Variants in PPT1 observed in about 807,000 individuals in gnomAD.
PPT1 encodes the protein palmitoyl-protein thioesterase 1, also known as ceroid-palmitoyl-palmitoyl-protein thioesterase 1.
A neutral mutation model predicts 44.0 loss-of-function variants in PPT1; 24 were observed. The observed-to-expected ratio is 0.54, with a 90% CI of 0.39 to 0.77. The LOEUF is 0.77. PPT1 is among the 30% of genes least tolerant of loss of function. The pLI, the probability that PPT1 is intolerant of heterozygous loss-of-function variation, is 0.00. For synonymous variants in PPT1, 148 were observed against 140.2 expected, an observed-to-expected ratio of 1.06 and a Z score of -0.39; for missense variants, 341 against 378.8, an observed-to-expected ratio of 0.90 and a Z score of 0.83.
intron 5 of PPT1, among the ~76,000 whole-genome samples, chr1:40,081,738 G>A (rs1041075667): frequency 2.0e-5 from 3 of 151,876 alleles, no homozygotes; most frequent in African/African-American, 4.8e-5. Context: ...TGTCTTTATC[G>A]GTAGCATGAA....
intron 4 of PPT1, among the ~76,000 whole-genome samples, chr1:40,090,230 G>A (rs531424127): frequency 9.2e-5 from 14 of 152,196 alleles, no homozygotes; most frequent in African/African-American, 3.4e-4. Flanking sequence ...GCACACCACA[G>A]TGTCTTGAAC....
intron 7 of PPT1, among the ~76,000 whole-genome samples, chr1:40,077,678 T>C (rs1648698875): frequency 6.6e-6 from 1 of 152,146 alleles, no homozygotes; most frequent in African/African-American, 2.4e-5. Context: ...CAGAGGCTGA[T>C]GATTCTAAAA....
chr1:40,089,202 C>T (rs1374732840), intron 5 of PPT1, among the ~76,000 whole-genome samples: 1 of 143,574 alleles, frequency 7.0e-6, no homozygotes, highest in Non-Finnish European at 1.5e-5. Flanking sequence ...AGGAGACTCG[C>T]TTGAACCTGG....
Position 40,097,213 on chromosome 1 carries a change from A to T in PPT1, c.26T>A (p.Leu9His). The change falls in exon 1 of 9, where the codon CTC becomes CAC. Residue 9 changes from leucine to histidine, a missense_variant. Coordinates refer to ENST00000642050, the MANE Select transcript of PPT1 (RefSeq NM_000310.4). Reference protein sequence around the residue: MASPGCLWLLAVALLPWTC... With the variant: MASPGCLWHLAVALLPWTC... ...CCATGGCAGGAGAGCCACAGCCAAG[A>T]GCCACAGGCAGCCGGGCGACGCCAT... 1 of 1,613,962 alleles carries T rather than the reference A, an allele frequency of 6.2e-7. No individual in the cohort carries two copies. The highest frequency in any genetic ancestry group is 1.3e-5 in the African/African-American group (1 of 75,040).
chr1:40,073,794 C>T lies in PPT1; in HGVS notation c.*267G>A. The stretch of plus-strand genomic sequence containing the variant: ...TTCTGGCACTGATCTGGAACAGACT[C>T]CCTTTTCTAAAACTGAACTTGACCA... On this transcript the variant is annotated 3_prime_UTR_variant, in exon 9 of 9. Transcript: ENST00000642050. The T allele has an allele frequency of 2.1e-6, 1 of 473,590 alleles. No individual in the cohort carries two copies. Among genetic ancestry groups the T allele is most frequent in the Non-Finnish European group, 3.9e-6 (1 of 258,684 alleles). 29.3% of individuals were successfully genotyped at this position (473,590 alleles called of 1,614,324 possible). A position where few individuals can be genotyped will look rare whatever the true frequency, so the allele number is the denominator to read the frequency against.
Position 40,073,819 on chromosome 1 carries a change from A to G in PPT1, c.*242T>C, listed in dbSNP as rs1393414424. The G allele has an allele frequency of 1.8e-6, 1 of 562,338 alleles. No homozygotes were observed. Among genetic ancestry groups the G allele is most frequent in the Non-Finnish European group, 3.1e-6 (1 of 318,504 alleles). 34.8% of individuals were successfully genotyped at this position (562,338 alleles called of 1,614,324 possible). On this transcript the variant is annotated 3_prime_UTR_variant, in exon 9 of 9. Coordinates refer to ENST00000642050, the MANE Select transcript of PPT1 (RefSeq NM_000310.4). The stretch of plus-strand genomic sequence containing the variant: ...CCCTTTTCTAAAACTGAACTTGACC[A>G]CATCAAAAGTTTGTAAAACAATCTC...
In PPT1 at chr1:40,073,381, T is replaced by C. The variant is rs1209878141; in HGVS notation, c.*680A>G. 1 of 152,546 alleles carries C rather than the reference T, an allele frequency of 6.6e-6. No individual in the cohort carries two copies. The highest frequency in any genetic ancestry group is 1.9e-4 in the East Asian group (1 of 5,204). The allele number at this position is 152,546 out of a possible 1,614,324, so 9.4% of individuals were successfully genotyped here. A position where few individuals can be genotyped will look rare whatever the true frequency, so the allele number is the denominator to read the frequency against. Reference sequence around the variant, plus strand: ...TCTTCGCTCCCTAAGTTATACAAGATGTACATTTCCTCTCTTAAGCAACTT... The same window carrying C: ...TCTTCGCTCCCTAAGTTATACAAGACGTACATTTCCTCTCTTAAGCAACTT... On this transcript the variant is annotated 3_prime_UTR_variant, in exon 9 of 9. Coordinates refer to ENST00000642050, the MANE Select transcript of PPT1 (RefSeq NM_000310.4).
chr1:40,084,885 C>T (rs1276051919), intron 5 of PPT1, among the ~76,000 whole-genome samples: 4 of 152,210 alleles, frequency 2.6e-5, no homozygotes, highest in African/African-American at 9.6e-5. Context: ...TAGAGGGCTC[C>T]TTGGTCTAGC....
At position 40,091,822 on chromosome 1, in the gene PPT1, G is replaced by A. The variant is rs548793748; in HGVS notation, c.362+223C>T. Among the ~76,000 whole-genome samples the A allele has an allele frequency of 2.7e-5, 4 of 149,184 alleles. No homozygotes were observed. In the South Asian group the frequency reaches 8.4e-4, roughly 31 times the overall value. ...GGAGGTTGCAGTGAGCTGAGATCGC[G>A]CCACTGCACTCCAGCCTGGGCAACA... On this transcript the variant is annotated intron_variant, in intron 3 of 8. Transcript: ENST00000642050.
chr1:40,086,327 G>A (rs1325877172), intron 5 of PPT1, among the ~76,000 whole-genome samples: 1 of 152,090 alleles, frequency 6.6e-6, no homozygotes, highest in Non-Finnish European at 1.5e-5. Flanking sequence ...GGAACTAGAG[G>A]GTAGTTTTAC....
At chr1:40,094,492 C>T (rs1309384271) in intron 1 of PPT1, among the ~76,000 whole-genome samples, 1 of 152,084 alleles carries the variant, frequency 6.6e-6, no homozygotes, top group African/African-American at 2.4e-5. Flanking sequence ...CGCTCTAGGG[C>T]ACAAAATTTA....
chr1:40,095,529 T>C (rs1057412514), intron 1 of PPT1, among the ~76,000 whole-genome samples: 1 of 152,142 alleles, frequency 6.6e-6, no homozygotes, highest in Non-Finnish European at 1.5e-5. Context: ...TCTTGATCTT[T>C]CCCCCACCCT....
chr1:40,095,621 A>G (rs1157082454), intron 1 of PPT1, among the ~76,000 whole-genome samples: 1 of 152,132 alleles, frequency 6.6e-6, no homozygotes, highest in Non-Finnish European at 1.5e-5. Context: ...AAACCTGTGG[A>G]GTCATCTTTG....
Position 40,076,780 on chromosome 1 carries a change from A to G in PPT1, c.798+62T>C, listed in dbSNP as rs368860301. On this transcript the variant is annotated intron_variant, in intron 8 of 8. Transcript: ENST00000642050. ...GGGCTCCAGCACCAAAGAACATAGC[A>G]GCTTCAGGAACTGGGAGCTGAAAAA... The G allele has an allele frequency of 1.1e-5, 17 of 1,612,260 alleles. No homozygotes were observed. In the African/African-American group the frequency reaches 2.0e-4, roughly 19 times the overall value.
intron 1 of PPT1, among the ~76,000 whole-genome samples, chr1:40,092,955 A>C (rs966263315): frequency 2.6e-5 from 4 of 152,216 alleles, no homozygotes; most frequent in African/African-American, 9.6e-5. Context: ...ACTGTGAAAA[A>C]CAGTTTGGTG....
downstream of PPT1, chr1:40,072,121 G>A (rs1291098240): frequency 2.2e-5 from 9 of 400,168 alleles, no homozygotes; most frequent in East Asian, 3.6e-5. Flanking sequence ...TGCCTCAACC[G>A]TGAGATAGGA....
intron 5 of PPT1, among the ~76,000 whole-genome samples, chr1:40,086,424 G>C (rs112036952): frequency 6.6e-6 from 1 of 152,228 alleles, no homozygotes; most frequent in Admixed American, 6.5e-5. Flanking sequence ...GTTACTGTGC[G>C]TATTAGGATA....
At chr1:40,071,944 A>G (rs112075420), downstream of PPT1, 1,407 of 409,836 alleles carry the variant, frequency 3.4e-3, 11 homozygotes, top group African/African-American at 0.026. Flanking sequence ...TGAAGGTAGC[A>G]GAAGCTGGTG....
chr1:40,072,415 T>A (rs1353648601), downstream of PPT1: 5 of 233,522 alleles, frequency 2.1e-5, no homozygotes, highest in Non-Finnish European at 3.3e-5. Context: ...GACTGAAACC[T>A]CCACTGCAGG....
Sources: gnomAD v4.1 joint callset for allele counts (sites outside exome capture counted in the v4.1 genomes callset) on GRCh38, gnomAD v4.1.1 for gene constraint, MANE v1.5 for transcripts, NCBI Gene and HGNC (gene_info 2026-07-23, HGNC 2026-07-21) for gene names.